TNC: variants seen among roughly 807,000 people sequenced by gnomAD.
The protein encoded by TNC is tenascin C.
Under a neutral mutation model 202.4 loss-of-function variants are expected in TNC, and 109 were observed. The observed-to-expected ratio is 0.54, with a 90% CI of 0.46 to 0.63. The LOEUF is 0.63. Among genes scored for constraint, TNC ranks in the 30% least tolerant of loss-of-function variants. The probability of loss-of-function intolerance (pLI) is 0.00; values close to 1 mark genes in which losing one functional copy is unlikely to be tolerated. For synonymous variants in TNC, 1,007 were observed against 1,089.7 expected (o/e 0.92, Z 1.50); for missense variants, 2,756 against 2,833.3 (o/e 0.97, Z 0.62).
At chr9:115,067,090 T>C (rs1335588267) in intron 10 of TNC, among the ~76,000 whole-genome samples, 1 of 152,174 alleles carries the variant, frequency 6.6e-6, no homozygotes, top group African/African-American at 2.4e-5. Context: ...AAGTGATGTA[T>C]CTAGATTTAG....
intron 25 of TNC, among the ~76,000 whole-genome samples, chr9:115,028,072 G>A (rs1829651374): frequency 6.6e-6 from 1 of 152,064 alleles, no homozygotes; most frequent in Non-Finnish European, 1.5e-5. Context: ...TGGAATACAT[G>A]CATATCAAAA....
intron 1 of TNC, among the ~76,000 whole-genome samples, chr9:115,091,502 G>A (rs917903404): frequency 6.6e-5 from 10 of 152,194 alleles, no homozygotes; most frequent in Non-Finnish European, 8.8e-5. Context: ...TTTCTGTATA[G>A]TGAAGATCAT....
chr9:115,053,311 A>G (rs962087435), intron 15 of TNC, among the ~76,000 whole-genome samples: 3 of 152,224 alleles, frequency 2.0e-5, no homozygotes, highest in Non-Finnish European at 4.4e-5. Flanking sequence ...TAGACAAGCC[A>G]TTAGAGTGGT....
At chr9:115,053,060 G>A (rs772956399) in intron 15 of TNC, 59 of 675,078 alleles carry the variant, frequency 8.7e-5, no homozygotes, top group Non-Finnish European at 3.0e-5. Flanking sequence ...GACATTATTA[G>A]AGGAAGCAGT....
chr9:115,038,035 G>A (rs1830460197), intron 20 of TNC, among the ~76,000 whole-genome samples: 1 of 152,176 alleles, frequency 6.6e-6, no homozygotes, highest in Non-Finnish European at 1.5e-5. Context: ...AATGGGCCAG[G>A]AAAACATGTA....
At chr9:115,044,384 G>GACAC (rs113847516) in intron 17 of TNC, among the ~76,000 whole-genome samples, 2,542 of 147,192 alleles carry the variant, frequency 0.017, 43 homozygotes, top group East Asian at 0.064. Flanking sequence ...CAGGCATGTA[G>GACAC]ACACACACAC....
At chr9:115,051,426 C>T (rs971196679) in intron 15 of TNC, among the ~76,000 whole-genome samples, 6 of 152,056 alleles carry the variant, frequency 3.9e-5, no homozygotes, top group Non-Finnish European at 7.4e-5. Context: ...TACGTTCTTT[C>T]CATACCCAAA....
chr9:115,117,204 T>C lies in TNC; in HGVS notation c.-137+778A>G, dbSNP rs950068130. ...GCTCTTATTCCTCTTACAACACTGA[T>C]GGGTGAGAAGAACCCCTGTGTTCTT... is the stretch of plus-strand genomic sequence containing the variant. On this transcript the variant is annotated intron_variant, in intron 1 of 27. Coordinates refer to ENST00000350763, the MANE Select transcript of TNC (RefSeq NM_002160.4). 8.5e-5 allele frequency among the ~76,000 whole-genome samples: 13 copies of C among 152,290 alleles called. 1 individual carries two copies. The East Asian group carries it at 1.2e-3, about 14-fold the overall frequency.
At chr9:115,028,835 T>C (rs940186943) in intron 25 of TNC, among the ~76,000 whole-genome samples, 2 of 150,534 alleles carry the variant, frequency 1.3e-5, no homozygotes, top group African/African-American at 4.9e-5. Flanking sequence ...TTCTTTTTTT[T>C]ATCTTGCAAC....
At chr9:115,111,399 C>CTTTTTTTTTTTTTTTTTTTTTTTTTTT (rs71375272) in intron 1 of TNC, among the ~76,000 whole-genome samples, 2 of 71,342 alleles carry the variant, frequency 2.8e-5, no homozygotes, top group African/African-American at 1.2e-4. Context: ...CTCTCTCTCT[C>CTTTTTTTTTTTTTTTTTTTTTTTTTTT]TTTTTTTTTT....
chr9:115,060,623 T>C (rs1031715827), intron 13 of TNC, among the ~76,000 whole-genome samples: 1 of 152,232 alleles, frequency 6.6e-6, no homozygotes, highest in Non-Finnish European at 1.5e-5. Context: ...TTCTTACTCA[T>C]GTCAGGGAGA....
chr9:115,064,490 T>C (rs898649059), intron 11 of TNC, among the ~76,000 whole-genome samples, 157 bp downstream of exon 11: 1 of 152,158 alleles, frequency 6.6e-6, no homozygotes, highest in African/African-American at 2.4e-5. Context: ...AAAGTTGCCT[T>C]GGGGTTCTGT....
chr9:115,026,553 C>T lies in TNC; in HGVS notation c.6312G>A (p.Glu2104=), dbSNP rs1829495551. ...CTGTACCTGCTGTCCCACTGTACCC[C>T]TCCACCTTCAGCTTGTAGCGAGTCT... is the stretch of plus-strand genomic sequence containing the variant. ...DAKTRYKLKV[E]GYSGTAGDSM... is the part of the protein sequence containing the mutation. Residue 2104 remains glutamate, a synonymous_variant, in exon 26 of 28, where the codon GAG becomes GAA. Coordinates refer to ENST00000350763, the MANE Select transcript of TNC (RefSeq NM_002160.4). 3 of 1,613,982 alleles carry T rather than the reference C, an allele frequency of 1.9e-6. No individual in the cohort carries two copies. Among genetic ancestry groups the T allele is most frequent in the South Asian group, 2.2e-5 (2 of 91,086 alleles).
At chr9:115,047,011 G>A (rs1314105635) in intron 16 of TNC, among the ~76,000 whole-genome samples, 1 of 152,148 alleles carries the variant, frequency 6.6e-6, no homozygotes, top group Admixed American at 6.5e-5. Context: ...CCAGTAAATT[G>A]TTTACATTTG....
At position 115,019,622 on chromosome 9, in the gene TNC, C is replaced by T. The variant is rs1224337683; in HGVS notation, c.*1535G>A. Reference sequence around the variant, plus strand: ...TATTGAGTAGTAGCCACAATCAAGTCATTGGGTTTCTATGAACCCCAGTCC... The same window carrying T: ...TATTGAGTAGTAGCCACAATCAAGTTATTGGGTTTCTATGAACCCCAGTCC... On this transcript the variant is annotated 3_prime_UTR_variant, in exon 28 of 28. Coordinates refer to ENST00000350763, the MANE Select transcript of TNC (RefSeq NM_002160.4). 3.3e-5 allele frequency: 5 copies of T among 152,232 alleles called. No homozygotes were observed. The highest frequency in any genetic ancestry group is 5.9e-5 in the Non-Finnish European group (4 of 68,046). The allele number at this position is 152,232 out of a possible 1,614,324, so 9.4% of individuals were successfully genotyped here.
chr9:115,057,079 G>A lies in TNC; in HGVS notation c.4579+74C>T, dbSNP rs1470328740. 2.6e-6 allele frequency: 4 copies of A among 1,511,526 alleles called. No individual in the cohort carries two copies. In the East Asian group the frequency reaches 9.1e-5, roughly 34 times the overall value. 93.6% of individuals were successfully genotyped at this position (1,511,526 alleles called of 1,614,324 possible). On this transcript the variant is annotated intron_variant, in intron 15 of 27. Coordinates refer to ENST00000350763, the MANE Select transcript of TNC (RefSeq NM_002160.4). ...CTGTGGCTTGTACATCAATGGGAGA[G>A]GAGAAGGAGAGGCTTCACCCTGCAA...
At chr9:115,101,428 G>A (rs564645286) in intron 1 of TNC, among the ~76,000 whole-genome samples, 30 of 152,106 alleles carry the variant, frequency 2.0e-4, no homozygotes, top group African/African-American at 7.0e-4. Context: ...GACCAGGCTG[G>A]TCTCGAACTC....
chr9:115,032,226 A>T (rs1830004204), intron 22 of TNC, among the ~76,000 whole-genome samples: 1 of 152,200 alleles, frequency 6.6e-6, no homozygotes, highest in Non-Finnish European at 1.5e-5. Flanking sequence ...GACCTCAACC[A>T]TACTTAGCTT....
chr9:115,098,792 C>T (rs1413310726), intron 1 of TNC, among the ~76,000 whole-genome samples: 2 of 152,166 alleles, frequency 1.3e-5, no homozygotes, highest in African/African-American at 2.4e-5. Context: ...TTTTATTGTG[C>T]ATGGCCTGTC....
Sources: gnomAD v4.1 joint callset for allele counts (sites outside exome capture counted in the v4.1 genomes callset) on GRCh38, gnomAD v4.1.1 for gene constraint, MANE v1.5 for transcripts, NCBI Gene and HGNC (gene_info 2026-07-23, HGNC 2026-07-21) for gene names.